The following ADGRB3 variants were observed in gnomAD, a reference collection of about 807,000 sequenced individuals.
ADGRB3 encodes the protein brain-specific angiogenesis inhibitor 3.
ADGRB3 carries 37 observed loss-of-function variants against 193.4 expected under a neutral mutation model. That is an observed-to-expected ratio of 0.19 (90% CI 0.15 to 0.25). The LOEUF (loss-of-function observed/expected upper bound fraction) is 0.25. ADGRB3 is among the 10% of genes least tolerant of loss of function. The pLI is 1.00. For synonymous variants in ADGRB3, 690 were observed against 644.2 expected, an observed-to-expected ratio of 1.07 and a Z score of -1.08; for missense variants, 1,637 against 1,852.9, an observed-to-expected ratio of 0.88 and a Z score of 2.14.
intron 11 of ADGRB3, among the ~76,000 whole-genome samples, chr6:69,003,577 C>G (rs1769648998): frequency 6.6e-6 from 1 of 152,056 alleles, no homozygotes; most frequent in South Asian, 2.1e-4. Flanking sequence ...ATCTAAATGG[C>G]TGCTGTTTTC....
At chr6:69,236,675 C>T (rs181332985) in intron 19 of ADGRB3, among the ~76,000 whole-genome samples, 137 of 152,094 alleles carry the variant, frequency 9.0e-4, no homozygotes, top group African/African-American at 3.2e-3. Flanking sequence ...GTTCAGGCAC[C>T]AATTCCACCT....
At chr6:69,245,646 T>A (rs1450866820) in intron 20 of ADGRB3, among the ~76,000 whole-genome samples, 1 of 152,082 alleles carries the variant, frequency 6.6e-6, no homozygotes, top group East Asian at 1.9e-4. Context: ...GCACTGTTCC[T>A]TCACCCCAAC....
intron 3 of ADGRB3, among the ~76,000 whole-genome samples, chr6:68,855,691 T>C (rs1764968054): frequency 6.6e-6 from 1 of 152,156 alleles, no homozygotes; most frequent in South Asian, 2.1e-4. Context: ...TAGATTTAAT[T>C]GTATTGCCCA....
intron 27 of ADGRB3, among the ~76,000 whole-genome samples, chr6:69,355,546 T>C (rs908998949): frequency 6.6e-6 from 1 of 152,216 alleles, no homozygotes; most frequent in Non-Finnish European, 1.5e-5. Context: ...CCTTCTAATA[T>C]ATAGTAATCA....
intron 3 of ADGRB3, among the ~76,000 whole-genome samples, chr6:68,673,190 G>GT (rs994325699): frequency 6.6e-6 from 1 of 152,104 alleles, no homozygotes; most frequent in Non-Finnish European, 1.5e-5. Context: ...CTGAAAATAA[G>GT]TAGAGATTCT....
intron 31 of ADGRB3, among the ~76,000 whole-genome samples, chr6:69,384,279 C>T (rs2127240726): frequency 6.6e-6 from 1 of 152,072 alleles, no homozygotes; most frequent in South Asian, 2.1e-4. Context: ...TTTGTTATCA[C>T]CAATCAAATG....
In ADGRB3 at chr6:68,638,904, G is replaced by A. The variant is rs76736074; in HGVS notation, c.229G>A (p.Asp77Asn). Residue 77 changes from aspartate to asparagine, a missense_variant, in exon 3 of 32, where the codon GAC (aspartate) becomes AAC (asparagine). Transcript: ENST00000370598. ...YSIYLKFSKKDLSCSNFSLLA... is the reference protein window; with the variant it reads ...YSIYLKFSKKNLSCSNFSLLA... ...CATTTACCTGAAATTTTCCAAAAAG[G>A]ACCTTAGCTGCTCTAACTTTTCACT... 493 of 1,614,058 alleles carry A rather than the reference G, an allele frequency of 3.1e-4. 1 individual carries two copies. In the African/African-American group the frequency reaches 5.9e-3, roughly 19 times the overall value.
At position 69,030,712 on chromosome 6, in the gene ADGRB3, C is replaced by G. The variant is rs1230832926; in HGVS notation, c.2107+12213C>G. On this transcript the variant is annotated intron_variant, in intron 13 of 31. Coordinates refer to ENST00000370598, the MANE Select transcript of ADGRB3 (RefSeq NM_001704.3). The stretch of plus-strand genomic sequence containing the variant: ...AGCAAACCACCATGGCACATGTATA[C>G]CTATGTAACAAACCTGCACGTCCTG... Among the ~76,000 whole-genome samples, 4 of 152,254 alleles carry G rather than the reference C, an allele frequency of 2.6e-5. No individual in the cohort carries two copies. The East Asian group carries it at 5.8e-4, about 22-fold the overall frequency.
chr6:69,074,487 G>A (rs1772168505), intron 16 of ADGRB3, among the ~76,000 whole-genome samples: 1 of 151,648 alleles, frequency 6.6e-6, no homozygotes, highest in Non-Finnish European at 1.5e-5. Context: ...TGGCAATGAG[G>A]TACGGTGTCC....
chr6:69,259,695 C>CAAAAAA (rs397887907), intron 20 of ADGRB3, among the ~76,000 whole-genome samples: 23 of 76,162 alleles, frequency 3.0e-4, no homozygotes, highest in African/African-American at 1.1e-3. Flanking sequence ...GACTCTGTCT[C>CAAAAAA]AAAAAAAAAA....
At chr6:68,803,627 G>A (rs1767351283) in intron 3 of ADGRB3, among the ~76,000 whole-genome samples, 1 of 151,978 alleles carries the variant, frequency 6.6e-6, no homozygotes, top group South Asian at 2.1e-4. Flanking sequence ...CTTCTTGTCA[G>A]CCTACAATAT....
Position 69,284,494 on chromosome 6 carries a change from T to C in ADGRB3, c.2815-40378T>C, listed in dbSNP as rs144440090. On this transcript the variant is annotated intron_variant, in intron 20 of 31. Coordinates refer to ENST00000370598, the MANE Select transcript of ADGRB3 (RefSeq NM_001704.3). ...TTGTAAACTGTCAGACTTAAGACTG[T>C]AAGCTTGGCCAAGCACTCAACAAAG... 2.8e-3 allele frequency among the ~76,000 whole-genome samples: 428 copies of C among 152,176 alleles called. 1 individual carries two copies. Among genetic ancestry groups the C allele is most frequent in the Middle Eastern group, 6.8e-3 (2 of 294 alleles).
At chr6:68,763,751 C>CT (rs952511657) in intron 3 of ADGRB3, among the ~76,000 whole-genome samples, 25 of 151,876 alleles carry the variant, frequency 1.6e-4, no homozygotes, top group African/African-American at 6.0e-4. Context: ...AAGAAATTTT[C>CT]TTTTTTTATG....
At chr6:69,336,283 A>G (rs964738582) in intron 24 of ADGRB3, among the ~76,000 whole-genome samples, 1 of 152,050 alleles carries the variant, frequency 6.6e-6, no homozygotes, top group Non-Finnish European at 1.5e-5. Flanking sequence ...CATCTTAAGC[A>G]GAAAATTTAA....
intron 3 of ADGRB3, among the ~76,000 whole-genome samples, chr6:68,650,233 T>C (rs1768330028): frequency 6.6e-6 from 1 of 152,172 alleles, no homozygotes; most frequent in Non-Finnish European, 1.5e-5. Flanking sequence ...TACAGAGAAA[T>C]AAATAACAAT....
intron 17 of ADGRB3, among the ~76,000 whole-genome samples, chr6:69,149,041 T>TTCTATACAG (rs1399748024): frequency 9.2e-5 from 14 of 152,192 alleles, no homozygotes; most frequent in Middle Eastern, 3.2e-3. Context: ...ATCTGTGAGA[T>TTCTATACAG]GTTCTATAAC....
chr6:68,803,083 T>C (rs1001210347), intron 3 of ADGRB3, among the ~76,000 whole-genome samples: 3 of 152,118 alleles, frequency 2.0e-5, no homozygotes, highest in Admixed American at 1.3e-4. Context: ...CAAATTTCTA[T>C]TGTCTGTATA....
At chr6:68,666,543 T>C (rs544442007) in intron 3 of ADGRB3, among the ~76,000 whole-genome samples, 2 of 151,960 alleles carry the variant, frequency 1.3e-5, no homozygotes, top group African/African-American at 4.8e-5. Context: ...AAGTTAGTCA[T>C]AGGTCCCAGA....
chr6:68,904,109 GGA>G (rs1562079619), intron 3 of ADGRB3, among the ~76,000 whole-genome samples: 2,261 of 69,974 alleles, frequency 0.032, 66 homozygotes, highest in African/African-American at 0.082. Flanking sequence ...AAGGAAGGAA[GGA>G]AGGGAGGGAG....
Sources: gnomAD v4.1 joint callset for allele counts (sites outside exome capture counted in the v4.1 genomes callset) on GRCh38, gnomAD v4.1.1 for gene constraint, MANE v1.5 for transcripts, NCBI Gene and HGNC (gene_info 2026-07-23, HGNC 2026-07-21) for gene names.